Variants in SYTL2 observed in about 807,000 individuals in gnomAD.
The protein encoded by SYTL2 is synaptotagmin like 2.
Under a neutral mutation model 198.7 loss-of-function variants are expected in SYTL2, and 165 were observed. The ratio of observed to expected loss-of-function variants is 0.83; its 90% confidence interval spans 0.73 to 0.94. The LOEUF (loss-of-function observed/expected upper bound fraction) is 0.94. Ranked by LOEUF, SYTL2 falls within the 40% of genes least tolerant of loss-of-function variation. The pLI is 0.00. For synonymous variants in SYTL2, 966 were observed against 917.7 expected (o/e 1.05, Z -0.95); for missense variants, 2,835 against 2,582.8 (o/e 1.10, Z -2.12).
intron 1 of SYTL2, among the ~76,000 whole-genome samples, chr11:85,788,915 C>T (rs2092679350): frequency 6.6e-6 from 1 of 151,494 alleles, no homozygotes; most frequent in African/African-American, 2.4e-5. Context: ...TTGTGTGGCA[C>T]ACAGCACATG....
chr11:85,695,211 G>C lies in SYTL2; in HGVS notation c.6704C>G (p.Ala2235Gly). The change falls in exon 20 of 20, where the codon GCC becomes GGC. Residue 2235 changes from alanine to glycine, a missense_variant. Transcript: ENST00000359152. ...ATLPLRMLLI[A>G]KISK ...AATTTGGGCTCATTTGGAAATCTTGGCAATCAAAAGCATTCTGAGAGGCAG... is the reference window on the plus strand; with the variant it reads ...AATTTGGGCTCATTTGGAAATCTTGCCAATCAAAAGCATTCTGAGAGGCAG... 6 of 1,611,714 alleles carry C rather than the reference G, an allele frequency of 3.7e-6. No individual in the cohort carries two copies. Among genetic ancestry groups the C allele is most frequent in the Non-Finnish European group, 5.1e-6 (6 of 1,178,628 alleles).
chr11:85,714,813 G>C, intron 11 of SYTL2: 1 of 534,078 alleles, frequency 1.9e-6, no homozygotes, highest in South Asian at 4.3e-5. Flanking sequence ...AATTGGTTTA[G>C]CTTATTTTTT....
rs766369917 is a variant in SYTL2 at position 85,757,914 on chromosome 11, T to C, written c.-189A>G. ...TGATAGCAAGATCCTAAGTGCTCTT[T>C]CCCATGAGGAAGTCCTGGTCTGTGG... On this transcript the variant is annotated 5_prime_UTR_variant, in exon 2 of 20. Coordinates refer to ENST00000359152, the MANE Select transcript of SYTL2 (RefSeq NM_206927.4). 16 of 679,622 alleles carry C rather than the reference T, an allele frequency of 2.4e-5. No homozygotes were observed. Among genetic ancestry groups the C allele is most frequent in the Non-Finnish European group, 3.6e-5 (15 of 413,164 alleles). 42.1% of individuals were successfully genotyped at this position (679,622 alleles called of 1,614,324 possible).
chr11:85,845,899 A>G, the SYTL2 span, among the ~76,000 whole-genome samples: 1 of 152,212 alleles, frequency 6.6e-6, no homozygotes, highest in Non-Finnish European at 1.5e-5. Flanking sequence ...TGGGCAACAG[A>G]GCAAGACTCT....
At chr11:85,845,927 T>A in the SYTL2 span, among the ~76,000 whole-genome samples, 1 of 151,940 alleles carries the variant, frequency 6.6e-6, no homozygotes, top group African/African-American at 2.4e-5. Context: ...AAAAAAATAA[T>A]AATAAAATAA....
In SYTL2 at chr11:85,695,155, G is replaced by A; in HGVS notation, c.*40C>T. 6.3e-7 allele frequency: 1 copy of A among 1,589,502 alleles called. No homozygotes were observed. Among genetic ancestry groups the A allele is most frequent in the Non-Finnish European group, 8.6e-7 (1 of 1,165,736 alleles). On this transcript the variant is annotated 3_prime_UTR_variant, in exon 20 of 20. Transcript: ENST00000359152. ...AGATTTTCAAGATCAGATTCCACCGGTTTAGTAGTTTTCAGTGGAGGAGCC... is the reference window on the plus strand; with the variant it reads ...AGATTTTCAAGATCAGATTCCACCGATTTAGTAGTTTTCAGTGGAGGAGCC...
rs534526897 is a variant in SYTL2, at chr11:85,770,701, C to T, written c.-389-12587G>A. ...TACCTGGAATGTCTTTACCTTTTAT[C>T]TGCACACATCCAACCCTTTCCTATC... On this transcript the variant is annotated intron_variant, in intron 1 of 19. Coordinates refer to ENST00000359152, the MANE Select transcript of SYTL2 (RefSeq NM_206927.4). Among the ~76,000 whole-genome samples, 3 of 152,292 alleles carry T rather than the reference C, an allele frequency of 2.0e-5. No individual in the cohort carries two copies. The East Asian group carries it at 5.8e-4, about 29-fold the overall frequency.
chr11:85,718,384 A>C, intron 10 of SYTL2: 1 of 172,034 alleles, frequency 5.8e-6, no homozygotes, highest in South Asian at 1.4e-4. Flanking sequence ...AGATTTTACC[A>C]GTTGTGCCCA....
In SYTL2 at chr11:85,696,273, G is replaced by A. The variant is rs2153349394; in HGVS notation, c.6484C>T (p.Leu2162=). The A allele has an allele frequency of 6.2e-7, 1 of 1,614,080 alleles. No individual in the cohort carries two copies. Among genetic ancestry groups the A allele is most frequent in the African/African-American group, 1.3e-5 (1 of 75,040 alleles). Residue 2162 remains leucine (L), a synonymous_variant, in exon 19 of 20, where the codon CTG becomes TTG. Transcript: ENST00000359152. ...MVYDGFRPED[L]MEACVELTVW... ...GTAAGCTCTACACAGGCTTCCATCAGATCTTCAGGCCTGAACCCATCATAC... is the reference window on the plus strand; with the variant it reads ...GTAAGCTCTACACAGGCTTCCATCAAATCTTCAGGCCTGAACCCATCATAC...
In SYTL2 at chr11:85,757,848, CATCAA is replaced by C; in HGVS notation, c.-128_-124del. On this transcript the variant is annotated 5_prime_UTR_variant, in exon 2 of 20. The change abolishes an upstream ATG in the 5' untranslated region. Transcript: ENST00000359152. ...AAATGAAATATCTTGTTCAGTTCTG[CATCAA>C]AGTCTTATTTTGGCTCAGCAAAAGT... is the stretch of plus-strand genomic sequence containing the variant. 1 of 1,431,148 alleles carries C rather than the reference CATCAA, an allele frequency of 7.0e-7. No homozygotes were observed. Among genetic ancestry groups the C allele is most frequent in the Non-Finnish European group, 9.4e-7 (1 of 1,058,592 alleles). The allele number at this position is 1,431,148 out of a possible 1,614,324, so 88.7% of individuals were successfully genotyped here.
chr11:85,796,528 C>A (rs573838132), intron 1 of SYTL2, among the ~76,000 whole-genome samples: 1 of 152,270 alleles, frequency 6.6e-6, no homozygotes, highest in African/African-American at 2.4e-5. Context: ...ATGAAAAATG[C>A]AACCAAACCT....
chr11:85,755,523 G>T (rs925569486), intron 2 of SYTL2, among the ~76,000 whole-genome samples: 3 of 152,198 alleles, frequency 2.0e-5, no homozygotes, highest in Non-Finnish European at 4.4e-5. Context: ...GACAGAAGGA[G>T]TGTCTGCAAC....
intron 4 of SYTL2, among the ~76,000 whole-genome samples, chr11:85,741,963 A>C (rs2090823286): frequency 6.6e-6 from 1 of 152,202 alleles, no homozygotes; most frequent in Non-Finnish European, 1.5e-5. Flanking sequence ...TCTTGCAAGG[A>C]AATTTATCAT....
At chr11:85,810,786 C>G (rs2044391) in intron 1 of SYTL2, among the ~76,000 whole-genome samples, 168 bp downstream of exon 1, 65,904 of 152,072 alleles carry the variant, frequency 0.43, 15,239 homozygotes, top group African/African-American at 0.59. Flanking sequence ...GAGCTTTCCC[C>G]GTGCCAAAAC....
Position 85,725,159 on chromosome 11 carries a change from A to G in SYTL2, c.4199T>C (p.Phe1400Ser). 6.2e-7 allele frequency: 1 copy of G among 1,613,992 alleles called. No homozygotes were observed. Among genetic ancestry groups the G allele is most frequent in the Non-Finnish European group, 8.5e-7 (1 of 1,179,964 alleles). ...ACATACTGGCTGTACTGCTTCAGGAAATTCTGGGTTCACTTCTCCAGGACC... is the reference window on the plus strand; with the variant it reads ...ACATACTGGCTGTACTGCTTCAGGAGATTCTGGGTTCACTTCTCCAGGACC... Reference protein sequence around the residue: ...EVGPGEVNPEFPEAVQPVCSP... With the variant: ...EVGPGEVNPESPEAVQPVCSP... Residue 1400 changes from phenylalanine (F) to serine (S), a missense_variant, in exon 8 of 20, where the codon TTT (phenylalanine) becomes TCT (serine). Phe to Ser is a radical substitution (Grantham distance 155). Coordinates refer to ENST00000359152, the MANE Select transcript of SYTL2 (RefSeq NM_206927.4).
chr11:85,825,170 C>T, the SYTL2 span, among the ~76,000 whole-genome samples: 1 of 152,060 alleles, frequency 6.6e-6, no homozygotes, highest in South Asian at 2.1e-4. Context: ...GGGCGGATCA[C>T]GAGGTCAGGA....
intron 14 of SYTL2, among the ~76,000 whole-genome samples, chr11:85,708,893 T>G (rs1260046637): frequency 8.2e-6 from 1 of 121,860 alleles, no homozygotes; most frequent in Non-Finnish European, 1.6e-5. Context: ...TCGCCCAGGC[T>G]GGAGTGCAGT....
the SYTL2 span, among the ~76,000 whole-genome samples, chr11:85,829,613 T>C: frequency 6.6e-6 from 1 of 152,222 alleles, no homozygotes; most frequent in Non-Finnish European, 1.5e-5. Flanking sequence ...TTTAAGTTCT[T>C]TGAGAAACCT....
chr11:85,764,585 T>C (rs2092189537), intron 1 of SYTL2, among the ~76,000 whole-genome samples: 2 of 152,248 alleles, frequency 1.3e-5, no homozygotes, highest in South Asian at 2.1e-4. Flanking sequence ...TCCTGATTCC[T>C]AGACTGTTCT....
Sources: allele counts gnomAD v4.1 joint callset (sites outside exome capture counted in the v4.1 genomes callset), GRCh38; gene constraint gnomAD v4.1.1; transcripts MANE v1.5; gene names NCBI Gene and HGNC (gene_info 2026-07-23, HGNC 2026-07-21).